Variants in IQUB observed in about 807,000 individuals in gnomAD.
The protein encoded by IQUB is IQ motif and ubiquitin domain containing, also known as IQ motif and ubiquitin-like domain-containing protein.
A neutral mutation model predicts 86.4 loss-of-function variants in IQUB; 86 were observed. The ratio of observed to expected loss-of-function variants is 1.00; its 90% confidence interval spans 0.84 to 1.19. The LOEUF is 1.19. IQUB is among the 50% of genes most tolerant of loss of function. The probability of loss-of-function intolerance (pLI) is 0.00; values close to 1 mark genes in which losing one functional copy is unlikely to be tolerated. For synonymous variants in IQUB, 289 were observed against 304.5 expected, an observed-to-expected ratio of 0.95 and a Z score of 0.53; for missense variants, 946 against 916.9, an observed-to-expected ratio of 1.03 and a Z score of -0.41.
intron 3 of IQUB, among the ~76,000 whole-genome samples, chr7:123,506,954 G>A (rs752794722): frequency 1.4e-4 from 21 of 152,086 alleles, no homozygotes; most frequent in Non-Finnish European, 2.4e-4. Context: ...TTCAGAAATT[G>A]ACTAATTTTC....
In IQUB at chr7:123,506,089, G is replaced by A. The variant is rs138471953; in HGVS notation, c.533-2726C>T. On this transcript the variant is annotated intron_variant, in intron 3 of 12. Transcript: ENST00000324698. ...CCTAGAGCAAGGACACAGTGCTGCC[G>A]GGTGTCTTTGCTAAAGCATAGCACG... Among the ~76,000 whole-genome samples the A allele has an allele frequency of 2.8e-3, 420 of 152,196 alleles. 4 individuals carry two copies. The highest frequency in any genetic ancestry group is 9.4e-3 in the African/African-American group (390 of 41,526).
At chr7:123,493,571 T>G (rs867431382) in intron 7 of IQUB, among the ~76,000 whole-genome samples, 4 of 151,900 alleles carry the variant, frequency 2.6e-5, no homozygotes, top group South Asian at 2.1e-4. Flanking sequence ...AATGTTGGAG[T>G]GGATGACAGC....
At chr7:123,475,906 G>T (rs1450103037) in intron 8 of IQUB, among the ~76,000 whole-genome samples, 1 of 152,162 alleles carries the variant, frequency 6.6e-6, no homozygotes, top group African/African-American at 2.4e-5. Flanking sequence ...CTCCAGAGAA[G>T]TATGAATATT....
chr7:123,483,581 T>C (rs1009522013), intron 7 of IQUB, among the ~76,000 whole-genome samples: 2 of 152,092 alleles, frequency 1.3e-5, no homozygotes, highest in Non-Finnish European at 2.9e-5. Flanking sequence ...GTTCTATGGT[T>C]CATAAAAAAG....
At chr7:123,529,245 C>T (rs1490627965) in intron 1 of IQUB, among the ~76,000 whole-genome samples, 2 of 151,974 alleles carry the variant, frequency 1.3e-5, no homozygotes, top group South Asian at 4.1e-4. Context: ...AATATATATA[C>T]ATTTAAATTT....
Position 123,469,396 on chromosome 7 carries a change from T to A in IQUB, c.1411-12A>T. 1 of 1,481,544 alleles carries A rather than the reference T, an allele frequency of 6.7e-7. No homozygotes were observed. Among genetic ancestry groups the A allele is most frequent in the South Asian group, 1.3e-5 (1 of 74,458 alleles). 91.8% of individuals were successfully genotyped at this position (1,481,544 alleles called of 1,614,324 possible). Reference sequence around the variant, plus strand: ...TTTGGAGCTGAACACTTAAAAATAATATTATGTTTATAATTATCAGTTAAT... The same window carrying A: ...TTTGGAGCTGAACACTTAAAAATAAAATTATGTTTATAATTATCAGTTAAT... On this transcript the variant is annotated splice_polypyrimidine_tract_variant and intron_variant, in intron 8 of 12. Transcript: ENST00000324698.
At chr7:123,485,354 C>G (rs1584588627) in intron 7 of IQUB, among the ~76,000 whole-genome samples, 1 of 152,048 alleles carries the variant, frequency 6.6e-6, no homozygotes, top group South Asian at 2.1e-4. Context: ...TTAAGGCCAA[C>G]CTGTATGACC....
At chr7:123,510,396 G>A (rs185708324) in intron 2 of IQUB, among the ~76,000 whole-genome samples, 2 of 152,164 alleles carry the variant, frequency 1.3e-5, no homozygotes, top group African/African-American at 4.8e-5. Flanking sequence ...TGTCCCAGAA[G>A]TTAGAAATGC....
At chr7:123,453,908 A>G (rs919977750) in intron 12 of IQUB, among the ~76,000 whole-genome samples, 1 of 152,144 alleles carries the variant, frequency 6.6e-6, no homozygotes, top group African/African-American at 2.4e-5. Context: ...AATATAATCT[A>G]TTACCTATTA....
At chr7:123,482,382 A>G (rs915015655) in intron 7 of IQUB, among the ~76,000 whole-genome samples, 7 of 152,142 alleles carry the variant, frequency 4.6e-5, no homozygotes, top group African/African-American at 1.7e-4. Context: ...ATGTAACCTC[A>G]TTTTCCAAGT....
At chr7:123,514,437 T>C (rs1490864035) in intron 1 of IQUB, among the ~76,000 whole-genome samples, 1 of 152,048 alleles carries the variant, frequency 6.6e-6, no homozygotes, top group Admixed American at 6.6e-5. Context: ...AAGTGCAACT[T>C]GGAAAGGTAA....
intron 1 of IQUB, among the ~76,000 whole-genome samples, chr7:123,529,926 G>A (rs1268378380): frequency 2.1e-4 from 32 of 152,118 alleles, no homozygotes; most frequent in Admixed American, 2.0e-4. Context: ...CCAGCTACTC[G>A]GGAGGCTGAG....
intron 1 of IQUB, among the ~76,000 whole-genome samples, chr7:123,516,034 T>C (rs1003826564): frequency 6.6e-6 from 1 of 152,214 alleles, no homozygotes; most frequent in Non-Finnish European, 1.5e-5. Flanking sequence ...TGTATAGCAC[T>C]GCAGACTAAA....
intron 1 of IQUB, among the ~76,000 whole-genome samples, chr7:123,524,903 A>C (rs1292460663): frequency 8.6e-5 from 13 of 151,754 alleles, no homozygotes; most frequent in African/African-American, 3.1e-4. Context: ...GAGAGTTTTT[A>C]GCATGAAGTG....
chr7:123,517,924 G>T (rs1028004551), intron 1 of IQUB, among the ~76,000 whole-genome samples: 1 of 152,154 alleles, frequency 6.6e-6, no homozygotes, highest in Non-Finnish European at 1.5e-5. Context: ...AAAGCAGTCC[G>T]AAGGTATAGA....
At chr7:123,496,027 T>C (rs1006209071) in intron 7 of IQUB, among the ~76,000 whole-genome samples, 1 of 152,134 alleles carries the variant, frequency 6.6e-6, no homozygotes, top group South Asian at 2.1e-4. Context: ...ATCCAACTTA[T>C]GTTGTCATTC....
rs1447324225 is a variant in IQUB at position 123,529,918 on chromosome 7, A to G, written c.-5+4574T>C. ...CGTGGTGGCATGTGCCTGTAATCCC[A>G]GCTACTCGGGAGGCTGAGGCAGGAG... On this transcript the variant is annotated intron_variant, in intron 1 of 12. Coordinates refer to ENST00000324698, the MANE Select transcript of IQUB (RefSeq NM_178827.5). Among the ~76,000 whole-genome samples, 3 of 152,158 alleles carry G rather than the reference A, an allele frequency of 2.0e-5. No individual in the cohort carries two copies. The South Asian group carries it at 6.2e-4, about 31-fold the overall frequency.
chr7:123,517,530 CAAAAAAAAAAAAAAA>C (rs374712007), intron 1 of IQUB, among the ~76,000 whole-genome samples: 3 of 22,452 alleles, frequency 1.3e-4, no homozygotes, highest in African/African-American at 2.0e-4. Flanking sequence ...GACTCCATCT[CAAAAAAAAAAAAAAA>C]AAAAAAAAAA....
chr7:123,468,425 C>T lies in IQUB; in HGVS notation c.1581+789G>A, dbSNP rs9656302. Among the ~76,000 whole-genome samples, 1,393 of 152,298 alleles carry T rather than the reference C, an allele frequency of 9.1e-3. 15 individuals are homozygous for T. The highest frequency in any genetic ancestry group is 0.048 in the South Asian group (230 of 4,832). On this transcript the variant is annotated intron_variant, in intron 9 of 12. Transcript: ENST00000324698. ...CCAGGCAGCAGCGTGTGTATTCTCC[C>T]CATCCTGGCAGATTGGTGGCTGACA...
Sources: allele counts gnomAD v4.1 joint callset (sites outside exome capture counted in the v4.1 genomes callset), GRCh38; gene constraint gnomAD v4.1.1; transcripts MANE v1.5; gene names NCBI Gene and HGNC (gene_info 2026-07-23, HGNC 2026-07-21).